SUGCT: variants seen among roughly 807,000 people sequenced by gnomAD.
SUGCT encodes the protein succinyl-CoA:glutarate-CoA transferase, also known as succinyl-CoA:glutarate CoA-transferase.
SUGCT carries 41 observed loss-of-function variants against 55.0 expected under a neutral mutation model. The ratio of observed to expected loss-of-function variants is 0.74; its 90% CI spans 0.58 to 0.97. The LOEUF is 0.97. SUGCT is among the 50% of genes least tolerant of loss of function. The pLI is 0.00. For missense variants in SUGCT, 568 were observed against 547.8 expected (o/e 1.04, Z -0.37); for synonymous variants, 187 against 200.4 (o/e 0.93, Z 0.56).
intron 12 of SUGCT, among the ~76,000 whole-genome samples, chr7:40,579,431 C>CA (rs1207239867): frequency 1.3e-5 from 2 of 152,132 alleles, no homozygotes; most frequent in African/African-American, 4.8e-5. Context: ...CTTTCACCCC[C>CA]ACACGTCAGG....
chr7:40,136,075 C>G (rs1020846109), intron 1 of SUGCT, among the ~76,000 whole-genome samples: 6 of 151,914 alleles, frequency 3.9e-5, no homozygotes, highest in Admixed American at 1.3e-4. Context: ...TGGTTCACCA[C>G]AACCTCTGCC....
the SUGCT span, among the ~76,000 whole-genome samples, chr7:40,998,585 G>C: frequency 6.6e-6 from 1 of 152,180 alleles, no homozygotes; most frequent in African/African-American, 2.4e-5. Flanking sequence ...CTGGCTTATT[G>C]TTACATCAAC....
chr7:40,809,766 G>A (rs985437524), intron 13 of SUGCT, among the ~76,000 whole-genome samples: 2 of 152,010 alleles, frequency 1.3e-5, no homozygotes, highest in African/African-American at 4.8e-5. Context: ...TAGTTTTTTA[G>A]CCCTTGTCAA....
intron 12 of SUGCT, among the ~76,000 whole-genome samples, chr7:40,630,729 T>C (rs1799752097): frequency 6.6e-6 from 1 of 152,178 alleles, no homozygotes; most frequent in African/African-American, 2.4e-5. Context: ...CCAAAAGGGC[T>C]CTCAGTCTAA....
chr7:40,819,641 G>T (rs1165808821), intron 13 of SUGCT, among the ~76,000 whole-genome samples: 1 of 152,106 alleles, frequency 6.6e-6, no homozygotes, highest in Non-Finnish European at 1.5e-5. Flanking sequence ...TAAGTTCTTT[G>T]TAGATTCTGG....
intron 9 of SUGCT, among the ~76,000 whole-genome samples, chr7:40,431,050 G>A (rs1306364070): frequency 6.6e-6 from 1 of 150,456 alleles, no homozygotes; most frequent in Non-Finnish European, 1.5e-5. Context: ...CCCAGGAGAC[G>A]GAGGTTACAG....
intron 12 of SUGCT, among the ~76,000 whole-genome samples, chr7:40,654,382 C>T (rs958877520): frequency 1.3e-5 from 2 of 152,142 alleles, no homozygotes; most frequent in African/African-American, 4.8e-5. Flanking sequence ...TAGTTGATTT[C>T]GTTATTACAT....
At chr7:40,231,368 C>G (rs2150859495) in intron 6 of SUGCT, among the ~76,000 whole-genome samples, 1 of 152,194 alleles carries the variant, frequency 6.6e-6, no homozygotes, top group Non-Finnish European at 1.5e-5. Context: ...GGTCACAGGC[C>G]TCAGGGTACT....
chr7:40,872,676 G>A, the SUGCT span, among the ~76,000 whole-genome samples: 2 of 152,146 alleles, frequency 1.3e-5, no homozygotes, highest in South Asian at 2.1e-4. Flanking sequence ...CACAGAGAAT[G>A]GAATAAGTGT....
At chr7:40,577,740 T>G (rs1463143964) in intron 12 of SUGCT, among the ~76,000 whole-genome samples, 1 of 152,210 alleles carries the variant, frequency 6.6e-6, no homozygotes, top group African/African-American at 2.4e-5. Context: ...AGTATACTTT[T>G]TTTTTAAACT....
At chr7:40,251,962 G>C (rs888004221) in intron 7 of SUGCT, among the ~76,000 whole-genome samples, 1 of 151,604 alleles carries the variant, frequency 6.6e-6, no homozygotes, top group African/African-American at 2.4e-5. Context: ...GAAATAAATA[G>C]AGATGTTTTT....
chr7:40,910,536 T>C, the SUGCT span, among the ~76,000 whole-genome samples: 8 of 152,164 alleles, frequency 5.3e-5, no homozygotes, highest in African/African-American at 1.9e-4. Flanking sequence ...GGGGACATAA[T>C]GGCAGTTAGA....
chr7:40,743,128 G>A (rs1035139577), intron 12 of SUGCT, among the ~76,000 whole-genome samples: 6 of 152,156 alleles, frequency 3.9e-5, no homozygotes, highest in Non-Finnish European at 8.8e-5. Context: ...CCTCTGGAGT[G>A]TCTTAAAATA....
the SUGCT span, among the ~76,000 whole-genome samples, chr7:40,953,834 C>A: frequency 6.6e-6 from 1 of 152,210 alleles, no homozygotes; most frequent in African/African-American, 2.4e-5. Flanking sequence ...GAGGGGTACC[C>A]GGCCACGTGA....
intron 13 of SUGCT, among the ~76,000 whole-genome samples, chr7:40,798,009 TGC>T: frequency 6.6e-6 from 1 of 152,212 alleles, no homozygotes; most frequent in East Asian, 1.9e-4. Context: ...GCTTCAAACG[TGC>T]ATCCCCTTAT....
chr7:40,245,201 C>T (rs1325130238), intron 7 of SUGCT, among the ~76,000 whole-genome samples: 1 of 150,376 alleles, frequency 6.6e-6, no homozygotes, highest in Non-Finnish European at 1.5e-5. Context: ...ATTACAGGCA[C>T]CTGCCACCAT....
chr7:40,624,569 G>A (rs1266247196), intron 12 of SUGCT, among the ~76,000 whole-genome samples: 1 of 152,132 alleles, frequency 6.6e-6, no homozygotes, highest in African/African-American at 2.4e-5. Flanking sequence ...GAGACCTTGT[G>A]TGCTTAATTA....
chr7:40,821,595 G>A (rs1310844179), intron 13 of SUGCT, among the ~76,000 whole-genome samples: 2 of 152,102 alleles, frequency 1.3e-5, no homozygotes, highest in African/African-American at 4.8e-5. Flanking sequence ...GTATTTCTGT[G>A]GGATCGGTGG....
chr7:40,792,215 C>T (rs1196279113), intron 13 of SUGCT, among the ~76,000 whole-genome samples: 2 of 152,076 alleles, frequency 1.3e-5, no homozygotes, highest in East Asian at 3.8e-4. Context: ...GAACATGCGC[C>T]TGTGTCGTAG....
Sources: allele counts gnomAD v4.1 joint callset (sites outside exome capture counted in the v4.1 genomes callset), GRCh38; gene constraint gnomAD v4.1.1; transcripts MANE v1.5; gene names NCBI Gene and HGNC (gene_info 2026-07-23, HGNC 2026-07-21).